Variants in ZNF304 observed in about 807,000 individuals in gnomAD.
The protein encoded by ZNF304 is zinc finger protein 304.
In ZNF304, 7 loss-of-function variants were observed where a neutral mutation model predicts 7.8. That is an observed-to-expected ratio of 0.90 (90% confidence interval 0.51 to 1.69). ZNF304 has a LOEUF of 1.69. Among genes scored for constraint, ZNF304 ranks in the 40% most tolerant of loss-of-function variants. The pLI, the probability that ZNF304 is intolerant of heterozygous loss-of-function variation, is 0.00. For missense variants in ZNF304, 669 were observed against 804.8 expected (o/e 0.83, Z 2.04); for synonymous variants, 280 against 272.4 (o/e 1.03, Z -0.27).
chr19:57,357,477 T>G lies in ZNF304; in HGVS notation c.1608T>G (p.Cys536Trp). 1 of 1,613,552 alleles carries G rather than the reference T, an allele frequency of 6.2e-7. No homozygotes were observed. Among genetic ancestry groups the G allele is most frequent in the Non-Finnish European group, 8.5e-7 (1 of 1,179,586 alleles). The change falls in exon 3 of 3, where the codon TGT (cysteine) becomes TGG (tryptophan). Residue 536 changes from cysteine (C) to tryptophan (W), a missense_variant. By Grantham distance (215) the Cys-to-Trp change is radical (BLOSUM62 -2). Transcript: ENST00000282286. ...TGAKPYECNE[C>W]GKCFSHNSSL... ...CAAAGCCTTATGAGTGCAATGAATG[T>G]GGGAAATGCTTTAGCCACAACTCCA...
At chr19:57,353,687 G>C (rs565433231) in intron 1 of ZNF304, 38 bp from the exon 2 acceptor site, 2 of 1,576,132 alleles carry the variant, frequency 1.3e-6, no homozygotes, top group South Asian at 2.4e-5. Flanking sequence ...TCTGGGGAGA[G>C]ATGCTGACTG....
At chr19:57,355,454 T>C in intron 2 of ZNF304, 1 of 719,856 alleles carries the variant, frequency 1.4e-6, no homozygotes, top group Non-Finnish European at 2.5e-6. Flanking sequence ...TCAACTTGTT[T>C]TGTGTTTGTC....
intron 1 of ZNF304, among the ~76,000 whole-genome samples, chr19:57,353,513 A>G (rs1036396965): frequency 3.3e-5 from 5 of 152,198 alleles, no homozygotes; most frequent in African/African-American, 9.7e-5. Flanking sequence ...CTGTCTGCAC[A>G]CTTGCCTGGT....
chr19:57,357,004 G>T lies in ZNF304; in HGVS notation c.1135G>T (p.Val379Phe). 2 of 1,609,158 alleles carry T rather than the reference G, an allele frequency of 1.2e-6. No individual in the cohort carries two copies. Among genetic ancestry groups the T allele is most frequent in the South Asian group, 2.2e-5 (2 of 90,872 alleles). ...AGCCTTTAGCCGTAAAGACACACTT[G>T]TTCAGCACCAGAGATTTCATACTGG... The part of the protein sequence containing the change: ...GKAFSRKDTL[V>F]QHQRFHTGER... The change falls in exon 3 of 3, where the codon GTT becomes TTT. Residue 379 changes from valine (V) to phenylalanine (F), a missense_variant. Val to Phe is a conservative substitution (Grantham distance 50). Coordinates refer to ENST00000282286, the MANE Select transcript of ZNF304 (RefSeq NM_020657.4).
chr19:57,353,330 G>T lies in ZNF304; in HGVS notation c.34-395G>T, dbSNP rs1335941690. Reference sequence around the variant, plus strand: ...GTGTAGTCCAAAGAGTAATGAGCACGTTGGGAGGAGTGTGAACTGATGCCC... The same window carrying T: ...GTGTAGTCCAAAGAGTAATGAGCACTTTGGGAGGAGTGTGAACTGATGCCC... On this transcript the variant is annotated intron_variant, in intron 1 of 2. Coordinates refer to ENST00000282286, the MANE Select transcript of ZNF304 (RefSeq NM_020657.4). 3.9e-5 allele frequency among the ~76,000 whole-genome samples: 6 copies of T among 152,346 alleles called. No individual in the cohort carries two copies. In the East Asian group the frequency reaches 1.2e-3, roughly 29 times the overall value.
chr19:57,355,370 C>G, intron 2 of ZNF304: 1 of 765,310 alleles, frequency 1.3e-6, no homozygotes. Flanking sequence ...GTAAAGGAGA[C>G]CTACAGAGGG....
Position 57,357,470 on chromosome 19 carries a change from A to T in ZNF304, c.1601A>T (p.Asn534Ile). 1 of 1,612,974 alleles carries T rather than the reference A, an allele frequency of 6.2e-7. No individual in the cohort carries two copies. Among genetic ancestry groups the T allele is most frequent in the East Asian group, 2.2e-5 (1 of 44,810 alleles). The change falls in exon 3 of 3, where the codon AAT becomes ATT. Residue 534 changes from asparagine to isoleucine, a missense_variant. Asn to Ile is a moderately radical substitution (Grantham distance 149). Coordinates refer to ENST00000282286, the MANE Select transcript of ZNF304 (RefSeq NM_020657.4). Reference sequence around the variant, plus strand: ...ACTGGAGCAAAGCCTTATGAGTGCAATGAATGTGGGAAATGCTTTAGCCAC... The same window carrying T: ...ACTGGAGCAAAGCCTTATGAGTGCATTGAATGTGGGAAATGCTTTAGCCAC... ...IHTGAKPYEC[N>I]ECGKCFSHNS...
chr19:57,351,279 C>G lies in ZNF304; in HGVS notation c.-386C>G. 8.5e-6 allele frequency: 2 copies of G among 235,868 alleles called. 1 individual carries two copies. Among genetic ancestry groups the G allele is most frequent in the Middle Eastern group, 2.9e-3 (2 of 692 alleles). The allele number at this position is 235,868 out of a possible 1,614,324, so 14.6% of individuals were successfully genotyped here. A position where few individuals can be genotyped will look rare whatever the true frequency, so the allele number is the denominator to read the frequency against. On this transcript the variant is annotated 5_prime_UTR_variant, in exon 1 of 3. Transcript: ENST00000282286. The surrounding 1 kb of genome is among the most constrained non-coding windows in gnomAD (Gnocchi z 4.1). ...GGCGTCGCCGTCGTGACGTATTTTTCCTATGCCCGGTCCGTGCATTCTGGT... is the reference window on the plus strand; with the variant it reads ...GGCGTCGCCGTCGTGACGTATTTTTGCTATGCCCGGTCCGTGCATTCTGGT...
Position 57,356,868 on chromosome 19 carries a change from A to T in ZNF304, c.999A>T (p.Arg333Ser). The T allele has an allele frequency of 6.2e-7, 1 of 1,613,342 alleles. No homozygotes were observed. The highest frequency in any genetic ancestry group is 8.5e-7 in the Non-Finnish European group (1 of 1,179,802). ...ATCAGAGAGTTCACACTGGAGAAAG[A>T]TCTTATGACTGCAGTGAATGTGGAA... is the stretch of plus-strand genomic sequence containing the variant. ...VQHQRVHTGE[R>S]SYDCSECGKA... Residue 333 changes from arginine to serine, a missense_variant, in exon 3 of 3, where the codon AGA (arginine) becomes AGT (serine). Coordinates refer to ENST00000282286, the MANE Select transcript of ZNF304 (RefSeq NM_020657.4).
intron 2 of ZNF304, chr19:57,355,148 C>T: frequency 1.5e-6 from 1 of 684,002 alleles, no homozygotes; most frequent in South Asian, 1.5e-5. Context: ...ACAGTCACTT[C>T]TTGTGGTGAT....
At position 57,351,733 on chromosome 19, in the gene ZNF304, G is replaced by A; in HGVS notation, c.33+36G>A. The A allele has an allele frequency of 6.2e-7, 1 of 1,600,880 alleles. No homozygotes were observed. The highest frequency in any genetic ancestry group is 8.5e-7 in the Non-Finnish European group (1 of 1,173,022). ...GCATCCCTCAAGCGCACCCCGGCCT[G>A]GTTGGTGTGTCCTGGGATGTTCGCT... On this transcript the variant is annotated intron_variant, in intron 1 of 2. Transcript: ENST00000282286. This position sits in a 1 kb window ranked among gnomAD's most constrained non-coding sequence, Gnocchi z 4.1.
Position 57,351,633 on chromosome 19 carries a change from C to A in ZNF304, c.-32C>A, listed in dbSNP as rs760033882. The A allele has an allele frequency of 6.2e-7, 1 of 1,613,042 alleles. No individual in the cohort carries two copies. Among genetic ancestry groups the A allele is most frequent in the South Asian group, 1.1e-5 (1 of 91,062 alleles). On this transcript the variant is annotated 5_prime_UTR_variant, in exon 1 of 3. Coordinates refer to ENST00000282286, the MANE Select transcript of ZNF304 (RefSeq NM_020657.4). The surrounding 1 kb of genome is among the most constrained non-coding windows in gnomAD (Gnocchi z 4.1). ...GTGGAGGCGTGGGGTTTCGGCTGAG[C>A]CCACAGGGCACAGACTGTTCATCCG... is the stretch of plus-strand genomic sequence containing the variant.
intron 1 of ZNF304, among the ~76,000 whole-genome samples, chr19:57,352,261 A>G (rs958126729): frequency 1.3e-5 from 2 of 152,210 alleles, no homozygotes; most frequent in African/African-American, 2.4e-5. Context: ...CTGATGAGAC[A>G]TAGTGATGAT....
At position 57,351,949 on chromosome 19, in the gene ZNF304, G is replaced by C; in HGVS notation, c.33+252G>C. 6.4e-6 allele frequency: 3 copies of C among 465,308 alleles called. No homozygotes were observed. The highest frequency in any genetic ancestry group is 1.1e-5 in the Non-Finnish European group (3 of 263,898). The allele number at this position is 465,308 out of a possible 1,614,324, so 28.8% of individuals were successfully genotyped here. A position where few individuals can be genotyped will look rare whatever the true frequency, so the allele number is the denominator to read the frequency against. ...TGCCTGGTGAGAACAGGGACTAGGG[G>C]GTCAGAGGTAGGCCTGGAATGGCCG... On this transcript the variant is annotated intron_variant, in intron 1 of 2. Transcript: ENST00000282286. This position sits in a 1 kb window ranked among gnomAD's most constrained non-coding sequence, Gnocchi z 4.1.
Position 57,351,437 on chromosome 19 carries a change from G to A in ZNF304, c.-228G>A. On this transcript the variant is annotated 5_prime_UTR_variant, in exon 1 of 3. Transcript: ENST00000282286. This position sits in a 1 kb window ranked among gnomAD's most constrained non-coding sequence, Gnocchi z 4.1. The stretch of plus-strand genomic sequence containing the variant: ...CAATCCATGACCCCTGTCGTGGGAC[G>A]GGCGGCCTCTCGCGGAGGTGTCTGC... 1 of 585,148 alleles carries A rather than the reference G, an allele frequency of 1.7e-6. No individual in the cohort carries two copies. Among genetic ancestry groups the A allele is most frequent in the Non-Finnish European group, 3.0e-6 (1 of 328,914 alleles). 36.2% of individuals were successfully genotyped at this position (585,148 alleles called of 1,614,324 possible). A position where few individuals can be genotyped will look rare whatever the true frequency, so the allele number is the denominator to read the frequency against.
At chr19:57,355,200 T>C (rs2088319311) in intron 2 of ZNF304, 2 of 741,438 alleles carry the variant, frequency 2.7e-6, no homozygotes, top group Non-Finnish European at 4.9e-6. Flanking sequence ...GAGTATTTTT[T>C]CTAAACATTC....
Position 57,356,800 on chromosome 19 carries a change from G to A in ZNF304, c.931G>A (p.Glu311Lys), listed in dbSNP as rs2088348049. 2 of 1,614,134 alleles carry A rather than the reference G, an allele frequency of 1.2e-6. No homozygotes were observed. The highest frequency in any genetic ancestry group is 1.7e-5 in the Admixed American group (1 of 60,008). Residue 311 changes from glutamate to lysine, a missense_variant, in exon 3 of 3, where the codon GAA becomes AAA. Transcript: ENST00000282286. ...TGGAAAAAGACACTATACATGCAGT[G>A]AATGTGGGAAGGCCTTCAGCCGCAA... ...HTGKRHYTCS[E>K]CGKAFSRKDT...
rs1293591014 is a variant in ZNF304 at position 57,351,641 on chromosome 19, G to A, written c.-24G>A. 1.2e-6 allele frequency: 2 copies of A among 1,613,262 alleles called. No individual in the cohort carries two copies. The highest frequency in any genetic ancestry group is 1.7e-6 in the Non-Finnish European group (2 of 1,179,960). On this transcript the variant is annotated 5_prime_UTR_variant, in exon 1 of 3. Coordinates refer to ENST00000282286, the MANE Select transcript of ZNF304 (RefSeq NM_020657.4). This position sits in a 1 kb window ranked among gnomAD's most constrained non-coding sequence, Gnocchi z 4.1. ...GTGGGGTTTCGGCTGAGCCCACAGG[G>A]CACAGACTGTTCATCCGCTTCTCAT...
At chr19:57,352,042 G>A (rs907438504) in intron 1 of ZNF304, 4 of 279,578 alleles carry the variant, frequency 1.4e-5, no homozygotes, top group African/African-American at 6.6e-5. Flanking sequence ...GAGAAGGGAG[G>A]TCCTCTGACG....
Sources: allele counts gnomAD v4.1 joint callset (sites outside exome capture counted in the v4.1 genomes callset), GRCh38; gene constraint gnomAD v4.1.1; non-coding constraint Gnocchi (gnomAD v3.1); transcripts MANE v1.5; gene names NCBI Gene and HGNC (gene_info 2026-07-23, HGNC 2026-07-21).